SPICE1: variants seen among roughly 807,000 people sequenced by gnomAD.
SPICE1 encodes spindle and centriole-associated protein 1.
SPICE1 carries 75 observed loss-of-function variants against 102.7 expected under a neutral mutation model. The ratio of observed to expected loss-of-function variants is 0.73; its 90% CI spans 0.61 to 0.88. The LOEUF is 0.88. SPICE1 is among the 40% of genes least tolerant of loss of function. The pLI is 0.00. For missense variants in SPICE1, 979 were observed against 1,020.1 expected, an observed-to-expected ratio of 0.96 and a Z score of 0.55; for synonymous variants, 308 against 350.3, an observed-to-expected ratio of 0.88 and a Z score of 1.35.
intron 2 of SPICE1, among the ~76,000 whole-genome samples, chr3:113,504,286 A>G (rs914807142): frequency 6.6e-6 from 1 of 152,206 alleles, no homozygotes; most frequent in Non-Finnish European, 1.5e-5. Flanking sequence ...GGCAGGAAAT[A>G]AAACAAGTTA....
chr3:113,468,762 CTTTA>C lies in SPICE1; in HGVS notation c.885_888del (p.Asn295LysfsTer2), dbSNP rs1335779867. The C allele has an allele frequency of 6.2e-7, 1 of 1,611,548 alleles. No homozygotes were observed. The highest frequency in any genetic ancestry group is 2.2e-5 in the East Asian group (1 of 44,852). On this transcript the variant is annotated frameshift_variant and splice_region_variant, in exon 9 of 18. Transcript: ENST00000295872. LOFTEE classifies it high-confidence loss of function. ...ATCTTTGTAAATTAAGGGACTGAACCTTTATTTAACAGCTGTTTTTGCTTCCTTG... is the reference window on the plus strand; with the variant it reads ...ATCTTTGTAAATTAAGGGACTGAACCTTTAACAGCTGTTTTTGCTTCCTTG...
chr3:113,474,596 C>G (rs1936291991), intron 7 of SPICE1, among the ~76,000 whole-genome samples: 1 of 152,172 alleles, frequency 6.6e-6, no homozygotes. Flanking sequence ...GTCTCTCAGA[C>G]CACAGTGCAA....
chr3:113,457,399 G>C, intron 12 of SPICE1, 42 bp from the exon 13 acceptor site: 1 of 1,588,050 alleles, frequency 6.3e-7, no homozygotes, highest in South Asian at 1.1e-5. Context: ...GGAACAAAAA[G>C]AAACTATGAG....
chr3:113,494,513 A>G (rs1054340536), intron 4 of SPICE1, among the ~76,000 whole-genome samples: 12 of 151,678 alleles, frequency 7.9e-5, no homozygotes, highest in South Asian at 2.1e-4. Context: ...CGGGCGTGGT[A>G]GCGGGCGCCT....
chr3:113,463,681 T>C (rs1277750541), intron 11 of SPICE1, among the ~76,000 whole-genome samples: 1 of 152,256 alleles, frequency 6.6e-6, no homozygotes, highest in African/African-American at 2.4e-5. Context: ...TCCATTTCTA[T>C]GTAATATCTA....
At chr3:113,484,575 G>A (rs1233054893) in intron 7 of SPICE1, among the ~76,000 whole-genome samples, 1 of 152,116 alleles carries the variant, frequency 6.6e-6, no homozygotes, top group East Asian at 1.9e-4. Context: ...CTGGTATGTT[G>A]TGTCTTTGTT....
In SPICE1 at chr3:113,459,960, C is replaced by G. The variant is rs1576625558; in HGVS notation, c.1435+657G>C. 4.1e-6 allele frequency: 4 copies of G among 984,794 alleles called. No homozygotes were observed. The East Asian group carries it at 4.5e-4, about 112-fold the overall frequency. 61.0% of individuals were successfully genotyped at this position (984,794 alleles called of 1,614,324 possible). On this transcript the variant is annotated intron_variant, in intron 12 of 17. Transcript: ENST00000295872. ...CCCTAGCCAATGAGTTTACCTCATG[C>G]AAGTTAAATTTTGGTCAGCCACTTC...
chr3:113,460,216 A>C lies in SPICE1; in HGVS notation c.1435+401T>G, dbSNP rs1013587696. ...TCAGTATTTTTCTCTTTCCAAAACC[A>C]TCTCTTCTAAATCTAGAGCACTGGG... On this transcript the variant is annotated intron_variant, in intron 12 of 17. Transcript: ENST00000295872. The C allele has an allele frequency of 6.1e-6, 6 of 985,206 alleles. No individual in the cohort carries two copies. In the African/African-American group the frequency reaches 1.0e-4, roughly 17 times the overall value. 61.0% of individuals were successfully genotyped at this position (985,206 alleles called of 1,614,324 possible). A position where few individuals can be genotyped will look rare whatever the true frequency, so the allele number is the denominator to read the frequency against.
At chr3:113,497,680 CAT>C (rs1559974512) in intron 4 of SPICE1, among the ~76,000 whole-genome samples, 2 of 114,542 alleles carry the variant, frequency 1.7e-5, no homozygotes, top group African/African-American at 6.3e-5. Flanking sequence ...TGCATACATA[CAT>C]AGAGAGAGAG....
chr3:113,469,299 T>C, intron 7 of SPICE1, 61 bp from the exon 8 acceptor site: 1 of 723,020 alleles, frequency 1.4e-6, no homozygotes, highest in Non-Finnish European at 1.8e-6. Flanking sequence ...ATAATATAAA[T>C]ATAAATTAAA....
intron 7 of SPICE1, among the ~76,000 whole-genome samples, chr3:113,480,916 G>GAAAGAAAGAAAGAAAGAAAGAAAGAAAGA (rs1936480787): frequency 7.3e-6 from 1 of 137,570 alleles, no homozygotes; most frequent in South Asian, 2.2e-4. Context: ...AAAATTTAAA[G>GAAAGAAAGAAAGAAAGAAAGAAAGAAAGA]AAAGAAAGAA....
intron 1 of SPICE1, among the ~76,000 whole-genome samples, chr3:113,509,866 T>A (rs1362903172): frequency 1.3e-5 from 2 of 152,236 alleles, no homozygotes; most frequent in Non-Finnish European, 2.9e-5. Flanking sequence ...GATGGGTTTA[T>A]AAGTGTCTGG....
Position 113,450,476 on chromosome 3 carries a change from TCCATACTA to T in SPICE1, c.2175_2182del (p.Ser726GlyfsTer47). On this transcript the variant is annotated frameshift_variant, in exon 15 of 18. Coordinates refer to ENST00000295872, the MANE Select transcript of SPICE1 (RefSeq NM_144718.4). LOFTEE classifies it high-confidence loss of function. ...TCGATTCAATTCTGCAATCCGTTCC[TCCATACTA>T]CCTGGTGTTAGAGACTGTGCTACTG... The T allele has an allele frequency of 6.2e-7, 1 of 1,612,404 alleles. No individual in the cohort carries two copies. Among genetic ancestry groups the T allele is most frequent in the Non-Finnish European group, 8.5e-7 (1 of 1,179,700 alleles).
chr3:113,469,663 A>G (rs1314978046), intron 7 of SPICE1, among the ~76,000 whole-genome samples: 1 of 151,884 alleles, frequency 6.6e-6, no homozygotes, highest in Non-Finnish European at 1.5e-5. Flanking sequence ...GTCAAAGAAA[A>G]AACACTATTC....
chr3:113,461,290 T>C (rs1477237831), intron 11 of SPICE1, among the ~76,000 whole-genome samples: 2 of 151,810 alleles, frequency 1.3e-5, no homozygotes, highest in Non-Finnish European at 2.9e-5. Context: ...TATATATGTA[T>C]ATAGATATTC....
chr3:113,451,784 G>A (rs1268579391), intron 14 of SPICE1, among the ~76,000 whole-genome samples: 1 of 152,052 alleles, frequency 6.6e-6, no homozygotes, highest in Non-Finnish European at 1.5e-5. Context: ...ATTCCTTTCT[G>A]GCTCCTCTTC....
intron 14 of SPICE1, among the ~76,000 whole-genome samples, chr3:113,452,599 G>A (rs60173065): frequency 9.0e-4 from 136 of 150,958 alleles, no homozygotes; most frequent in Middle Eastern, 3.5e-3. Context: ...CAGCAGAATC[G>A]CTTGAACCCA....
chr3:113,493,557 A>C (rs1242722489), intron 5 of SPICE1, among the ~76,000 whole-genome samples: 1 of 152,232 alleles, frequency 6.6e-6, no homozygotes, highest in Non-Finnish European at 1.5e-5. Flanking sequence ...ACTCACAGAC[A>C]TTAAGTAACT....
chr3:113,449,626 T>C (rs1007828288), intron 15 of SPICE1: 5 of 152,210 alleles, frequency 3.3e-5, no homozygotes, highest in African/African-American at 1.2e-4. Flanking sequence ...ATAAGACATA[T>C]GAGTCCCCTT....
Sources: allele counts gnomAD v4.1 joint callset (sites outside exome capture counted in the v4.1 genomes callset), GRCh38; gene constraint gnomAD v4.1.1; transcripts MANE v1.5; gene names NCBI Gene and HGNC (gene_info 2026-07-23, HGNC 2026-07-21).